CSMD2: variants seen among roughly 807,000 people sequenced by gnomAD.
The protein encoded by CSMD2 is CUB and sushi domain-containing protein 2.
CSMD2 carries 130 observed loss-of-function variants against 398.5 expected under a neutral mutation model. The observed-to-expected ratio is 0.33, with a 90% confidence interval of 0.28 to 0.38. The LOEUF is 0.38. Ranked by LOEUF, CSMD2 falls within the 10% of genes least tolerant of loss-of-function variation. The pLI is 1.00. For missense variants in CSMD2, 3,829 were observed against 4,764.9 expected, an observed-to-expected ratio of 0.80 and a Z score of 5.78; for synonymous variants, 1,828 against 1,908.5, an observed-to-expected ratio of 0.96 and a Z score of 1.10.
intron 25 of CSMD2, among the ~76,000 whole-genome samples, chr1:33,673,419 TA>T (rs1644586701): frequency 5.3e-5 from 8 of 151,932 alleles, no homozygotes; most frequent in Admixed American, 5.2e-4. Flanking sequence ...GAAAAAAGAA[TA>T]AAAAGAAATG....
At chr1:33,989,042 A>C (rs1307186075) in intron 3 of CSMD2, among the ~76,000 whole-genome samples, 27 of 50,004 alleles carry the variant, frequency 5.4e-4, no homozygotes, top group African/African-American at 1.7e-3. Flanking sequence ...ATATATATAT[A>C]TATATATATA....
intron 1 of CSMD2, among the ~76,000 whole-genome samples, chr1:34,149,123 T>G (rs1344574551): frequency 6.6e-6 from 1 of 152,250 alleles, no homozygotes; most frequent in East Asian, 1.9e-4. Context: ...CCAGTGTTAC[T>G]GTGCTTCCTA....
intron 16 of CSMD2, 36 bp downstream of exon 16, chr1:33,726,511 C>T (rs768915127): frequency 1.1e-5 from 18 of 1,585,378 alleles, no homozygotes; most frequent in Admixed American, 1.7e-5. Context: ...AAAATCTCCC[C>T]CTTGCCCTCT....
chr1:34,149,754 ACAACCTCTG>A (rs1640118453), intron 1 of CSMD2, among the ~76,000 whole-genome samples: 1 of 152,198 alleles, frequency 6.6e-6, no homozygotes, highest in Non-Finnish European at 1.5e-5. Flanking sequence ...CAGCCTGGTG[ACAACCTCTG>A]GGCTGCTGCA....
intron 2 of CSMD2, among the ~76,000 whole-genome samples, chr1:34,044,150 A>AC (rs1443603044): frequency 5.3e-5 from 8 of 152,010 alleles, no homozygotes; most frequent in Non-Finnish European, 1.0e-4. Flanking sequence ...GGTGATGCAG[A>AC]CCCCCCAACA....
At chr1:33,521,254 G>A (rs772593946) in intron 68 of CSMD2, among the ~76,000 whole-genome samples, 16 of 152,140 alleles carry the variant, frequency 1.1e-4, no homozygotes, top group Non-Finnish European at 2.2e-4. Flanking sequence ...CTTTGTCAAA[G>A]GTTGAGTGGG....
At chr1:34,126,616 T>G (rs1434650836) in intron 1 of CSMD2, among the ~76,000 whole-genome samples, 1 of 152,030 alleles carries the variant, frequency 6.6e-6, no homozygotes, top group Non-Finnish European at 1.5e-5. Context: ...CTCGCTCCCT[T>G]GTAGCAGCAG....
chr1:34,066,966 C>T (rs779820803), intron 2 of CSMD2, among the ~76,000 whole-genome samples: 26 of 152,196 alleles, frequency 1.7e-4, no homozygotes, highest in African/African-American at 4.8e-4. Flanking sequence ...GGGACAGGAT[C>T]GATGGTATTG....
chr1:34,152,906 GC>G (rs2148560054), intron 1 of CSMD2, among the ~76,000 whole-genome samples: 1 of 152,234 alleles, frequency 6.6e-6, no homozygotes, highest in South Asian at 2.1e-4. Context: ...CCAGCCCCTG[GC>G]AACCACCATT....
At chr1:33,826,533 C>T (rs1424983539) in intron 6 of CSMD2, among the ~76,000 whole-genome samples, 4 of 152,326 alleles carry the variant, frequency 2.6e-5, no homozygotes, top group African/African-American at 9.6e-5. Flanking sequence ...CAACCTCTTA[C>T]AGGCAGGGGA....
chr1:33,693,645 T>A (rs528559726), intron 24 of CSMD2, among the ~76,000 whole-genome samples: 1 of 152,340 alleles, frequency 6.6e-6, no homozygotes, highest in African/African-American at 2.4e-5. Context: ...ACATGAATGT[T>A]CATAGCAACG....
At chr1:33,542,576 A>G (rs1656456423) in intron 58 of CSMD2, 144 bp downstream of exon 58, 2 of 667,426 alleles carry the variant, frequency 3.0e-6, no homozygotes, top group Non-Finnish European at 4.9e-6. Flanking sequence ...TATGCTCAAC[A>G]GAGGCTATTC....
rs535186566 is a variant in CSMD2, at chr1:33,652,272, C to G, written c.4586+51G>C. ...TCACCTGGAGACCCAGGTCCCAGAGCCCCTAGCCACTCTGAACCCTTCGTC... is the reference window on the plus strand; with the variant it reads ...TCACCTGGAGACCCAGGTCCCAGAGGCCCTAGCCACTCTGAACCCTTCGTC... On this transcript the variant is annotated intron_variant, in intron 28 of 70. Coordinates refer to ENST00000373381, the MANE Select transcript of CSMD2 (RefSeq NM_001281956.2). 4 of 1,595,408 alleles carry G rather than the reference C, an allele frequency of 2.5e-6. No individual in the cohort carries two copies. The Admixed American group carries it at 6.7e-5, about 27-fold the overall frequency.
chr1:34,157,473 A>G (rs140273996), intron 1 of CSMD2, among the ~76,000 whole-genome samples: 3 of 151,874 alleles, frequency 2.0e-5, no homozygotes, highest in Non-Finnish European at 4.4e-5. Flanking sequence ...ACTCACCTCT[A>G]TCTCATGCCA....
At chr1:33,650,566 TG>T (rs1381424391) in intron 28 of CSMD2, among the ~76,000 whole-genome samples, 2 of 126,992 alleles carry the variant, frequency 1.6e-5, no homozygotes, top group Non-Finnish European at 1.7e-5. Flanking sequence ...TAGGATGGGG[TG>T]GGGGGCTGAC....
chr1:33,953,435 G>C (rs1447040822), intron 3 of CSMD2, among the ~76,000 whole-genome samples: 2 of 152,170 alleles, frequency 1.3e-5, no homozygotes, highest in Non-Finnish European at 2.9e-5. Context: ...GCCTCAACCT[G>C]TGCCAACTTG....
At chr1:34,133,532 G>A (rs924321263) in intron 1 of CSMD2, among the ~76,000 whole-genome samples, 5 of 152,040 alleles carry the variant, frequency 3.3e-5, no homozygotes, top group African/African-American at 1.2e-4. Flanking sequence ...TCTGGAGTCT[G>A]AGGCAGGAGA....
At chr1:33,569,303 T>C in intron 52 of CSMD2, 71 bp downstream of exon 52, 1 of 1,466,722 alleles carries the variant, frequency 6.8e-7, no homozygotes, top group South Asian at 1.4e-5. Flanking sequence ...AGACTGGATC[T>C]CAGCTTTGGA....
chr1:33,876,433 C>T (rs1426725042), intron 5 of CSMD2, among the ~76,000 whole-genome samples: 2 of 152,192 alleles, frequency 1.3e-5, no homozygotes, highest in Non-Finnish European at 2.9e-5. Context: ...AGCTGTTTCT[C>T]AGGGTCATAT....
Sources: gnomAD v4.1 joint callset for allele counts (sites outside exome capture counted in the v4.1 genomes callset) on GRCh38, gnomAD v4.1.1 for gene constraint, MANE v1.5 for transcripts, NCBI Gene and HGNC (gene_info 2026-07-23, HGNC 2026-07-21) for gene names.